DNAJC2: variants seen among roughly 807,000 people sequenced by gnomAD.
DNAJC2 encodes dnaJ homolog subfamily C member 2.
Under a neutral mutation model 94.0 loss-of-function variants are expected in DNAJC2, and 32 were observed. The ratio of observed to expected loss-of-function variants is 0.34; its 90% confidence interval spans 0.26 to 0.46. The LOEUF is 0.46. Ranked by LOEUF, DNAJC2 falls within the 20% of genes least tolerant of loss-of-function variation. The pLI is 1.00. For missense variants in DNAJC2, 550 were observed against 719.5 expected (o/e 0.76, Z 2.69); for synonymous variants, 210 against 229.7 (o/e 0.91, Z 0.77).
At position 103,337,758 on chromosome 7, in the gene DNAJC2, T is replaced by A; in HGVS notation, c.309A>T (p.Thr103=). 1.2e-6 allele frequency: 2 copies of A among 1,613,848 alleles called. No homozygotes were observed. Among genetic ancestry groups the A allele is most frequent in the Non-Finnish European group, 1.7e-6 (2 of 1,179,904 alleles). ...TACGAGCTGCTTTGATCTGTCTCTG[T>A]GTAGCCTTGTATCTCACATGGCCAA... ...LGLGHVRYKA[T]QRQIKAAHKA... The change falls in exon 3 of 17, where the codon ACA becomes ACT. Residue 103 remains threonine, a synonymous_variant. Transcript: ENST00000379263.
intron 15 of DNAJC2, among the ~76,000 whole-genome samples, chr7:103,315,090 A>C (rs538746750): frequency 1.3e-5 from 2 of 152,216 alleles, no homozygotes; most frequent in South Asian, 4.1e-4. Flanking sequence ...TTCATGACCC[A>C]GTGATGGGTC....
chr7:103,312,927 T>G lies in DNAJC2; in HGVS notation c.1791+20A>C, dbSNP rs750260585. 1 of 1,597,806 alleles carries G rather than the reference T, an allele frequency of 6.3e-7. No individual in the cohort carries two copies. Among genetic ancestry groups the G allele is most frequent in the Non-Finnish European group, 8.5e-7 (1 of 1,175,814 alleles). On this transcript the variant is annotated intron_variant, in intron 16 of 16. Transcript: ENST00000379263. Reference sequence around the variant, plus strand: ...CTACAATTTAAAATACAACAATCTATAAACGCTTAAGTCTGCAACCTTGTA... The same window carrying G: ...CTACAATTTAAAATACAACAATCTAGAAACGCTTAAGTCTGCAACCTTGTA...
chr7:103,315,108 G>A (rs1187934849), intron 15 of DNAJC2, among the ~76,000 whole-genome samples: 1 of 151,454 alleles, frequency 6.6e-6, no homozygotes, highest in East Asian at 1.9e-4. Context: ...GTCATGATTT[G>A]TAACATGAAA....
At chr7:103,312,857 T>C in intron 16 of DNAJC2, 90 bp downstream of exon 16, 3 of 1,537,286 alleles carry the variant, frequency 2.0e-6, no homozygotes, top group Non-Finnish European at 2.6e-6. Context: ...AGCACTATAT[T>C]ATTAACCACT....
At position 103,314,400 on chromosome 7, in the gene DNAJC2, C is replaced by G. The variant is rs187177165; in HGVS notation, c.1637-1299G>C. The G allele has an allele frequency of 6.1e-4, 600 of 985,318 alleles. 4 individuals carry two copies. In the African/African-American group the frequency reaches 9.9e-3, roughly 16 times the overall value. The allele number at this position is 985,318 out of a possible 1,614,324, so 61.0% of individuals were successfully genotyped here. ...AGCCTTCCCATTTCCATAAAAGAGG[C>G]AAAGGAGTCATACCCACATAGCACT... On this transcript the variant is annotated intron_variant, in intron 15 of 16. Coordinates refer to ENST00000379263, the MANE Select transcript of DNAJC2 (RefSeq NM_014377.3).
intron 1 of DNAJC2, chr7:103,344,305 A>ATG: frequency 1.8e-6 from 1 of 569,656 alleles, no homozygotes; most frequent in Non-Finnish European, 3.1e-6. Context: ...TGCTCAGCCC[A>ATG]ATCCATGAGT....
intron 2 of DNAJC2, 56 bp downstream of exon 2, chr7:103,341,708 A>T (rs1463215129): frequency 8.7e-6 from 12 of 1,380,210 alleles, no homozygotes; most frequent in Non-Finnish European, 1.1e-5. Context: ...CTCATAAGAA[A>T]ATTGTCTATG....
rs1438682837 is a variant in DNAJC2 at position 103,319,700 on chromosome 7, A to G, written c.1173-22T>C. The G allele has an allele frequency of 3.1e-6, 5 of 1,613,904 alleles. No homozygotes were observed. In the Admixed American group the frequency reaches 8.3e-5, roughly 27 times the overall value. On this transcript the variant is annotated intron_variant, in intron 11 of 16. Coordinates refer to ENST00000379263, the MANE Select transcript of DNAJC2 (RefSeq NM_014377.3). ...TAAGCTAAAGAAAAAAAAAGAAGAA[A>G]TGAAACTTTATCCTAAGCTCAAGTG...
chr7:103,320,364 G>A (rs1197952233), intron 10 of DNAJC2, among the ~76,000 whole-genome samples: 1 of 152,038 alleles, frequency 6.6e-6, no homozygotes, highest in African/African-American at 2.4e-5. Flanking sequence ...CTGGTTACAG[G>A]TGTGAGCCAC....
At chr7:103,313,380 A>G in intron 15 of DNAJC2, 1 of 1,105,136 alleles carries the variant, frequency 9.0e-7, no homozygotes, top group East Asian at 5.4e-5. Flanking sequence ...AATGTAATAC[A>G]CTCACCAGAC....
At position 103,316,871 on chromosome 7, in the gene DNAJC2, T is replaced by C. The variant is rs1378094882; in HGVS notation, c.1386A>G (p.Leu462=). 1.2e-6 allele frequency: 2 copies of C among 1,614,006 alleles called. No individual in the cohort carries two copies. The highest frequency in any genetic ancestry group is 1.7e-6 in the Non-Finnish European group (2 of 1,180,008). The part of the protein sequence containing the change: ...KNWSEDDLQL[L]IKAVNLFPAG... ...CAGGGAACAGATTCACAGCTTTAAT[T>C]AGTAATTGTAGATCATCTTCTGACC... Residue 462 remains leucine (L), a synonymous_variant, in exon 13 of 17, where the codon CTA becomes CTG. Coordinates refer to ENST00000379263, the MANE Select transcript of DNAJC2 (RefSeq NM_014377.3).
chr7:103,312,923 T>C (rs1563452005), intron 16 of DNAJC2, 24 bp downstream of exon 16: 2 of 1,595,298 alleles, frequency 1.3e-6, no homozygotes, highest in South Asian at 1.1e-5. Flanking sequence ...AATACAACAA[T>C]CTATAAACGC....
intron 3 of DNAJC2, chr7:103,336,066 C>T: frequency 6.6e-6 from 1 of 152,490 alleles, no homozygotes. Context: ...ACTCAAGAGG[C>T]TGAGGCAGGA....
Position 103,316,848 on chromosome 7 carries a change from G to A in DNAJC2, c.1409C>T (p.Pro470Leu). 6.2e-7 allele frequency: 1 copy of A among 1,613,602 alleles called. No homozygotes were observed. Among genetic ancestry groups the A allele is most frequent in the Non-Finnish European group, 8.5e-7 (1 of 1,179,874 alleles). The change falls in exon 13 of 17, where the codon CCT (proline) becomes CTT (leucine). Residue 470 changes from proline (P) to leucine (L), a missense_variant. Around this residue, in one of 2 missense-constraint regions of DNAJC2, gnomAD observed 271 missense variants for 302.6 expected, o/e 0.90. Transcript: ENST00000379263. Reference protein sequence around the residue: ...QLLIKAVNLFPAGTNSRWEVI... With the variant: ...QLLIKAVNLFLAGTNSRWEVI... ...CCAGTACCTTGAATTTGTTCCAGCA[G>A]GGAACAGATTCACAGCTTTAATTAG...
rs1170280523 is a variant in DNAJC2 at position 103,312,540 on chromosome 7, T to C, written c.*29A>G. ...AATGTTTACAGTATTTTCAGTTTTA[T>C]TATAAAAATGCACACACAACAAAGA... On this transcript the variant is annotated 3_prime_UTR_variant, in exon 17 of 17. Coordinates refer to ENST00000379263, the MANE Select transcript of DNAJC2 (RefSeq NM_014377.3). The C allele has an allele frequency of 2.5e-6, 4 of 1,595,564 alleles. No individual in the cohort carries two copies. Among genetic ancestry groups the C allele is most frequent in the Non-Finnish European group, 3.4e-6 (4 of 1,174,466 alleles).
At chr7:103,327,556 G>A (rs1818771146) in intron 4 of DNAJC2, 100 bp downstream of exon 4, 1 of 789,170 alleles carries the variant, frequency 1.3e-6, no homozygotes. Context: ...AATGTCAAAG[G>A]ATAGTTGAAT....
chr7:103,323,717 C>T (rs1477410379), intron 6 of DNAJC2, 54 bp from the exon 7 acceptor site: 1 of 1,242,850 alleles, frequency 8.0e-7, no homozygotes, highest in African/African-American at 1.6e-5. Context: ...AAAAAAAATT[C>T]TTTTTAATGC....
At chr7:103,340,101 G>T (rs1055488672) in intron 2 of DNAJC2, among the ~76,000 whole-genome samples, 1 of 152,206 alleles carries the variant, frequency 6.6e-6, no homozygotes, top group Non-Finnish European at 1.5e-5. Context: ...GCCTCCCAAA[G>T]TGCTGGGATT....
intron 3 of DNAJC2, among the ~76,000 whole-genome samples, chr7:103,335,089 C>T (rs370091345): frequency 6.6e-6 from 1 of 152,184 alleles, no homozygotes; most frequent in Non-Finnish European, 1.5e-5. Context: ...CTGCCCCAGC[C>T]TCCCAAAGTG....
Sources: gnomAD v4.1 joint callset for allele counts (sites outside exome capture counted in the v4.1 genomes callset) on GRCh38, gnomAD v4.1.1 for gene constraint, gnomAD v4.1.1 regional missense constraint, MANE v1.5 for transcripts, NCBI Gene and HGNC (gene_info 2026-07-23, HGNC 2026-07-21) for gene names.